Variants in AJAP1 observed in about 807,000 individuals in gnomAD.
The protein encoded by AJAP1 is adherens junctions associated protein 1.
AJAP1 carries 5 observed loss-of-function variants against 35.0 expected under a neutral mutation model. The ratio of observed to expected loss-of-function variants is 0.14; its 90% CI spans 0.07 to 0.30. The LOEUF (loss-of-function observed/expected upper bound fraction) is 0.30. AJAP1 is among the 10% of genes least tolerant of loss of function. The pLI is 1.00. For synonymous variants in AJAP1, 284 were observed against 249.3 expected, an observed-to-expected ratio of 1.14 and a Z score of -1.31; for missense variants, 586 against 571.0, an observed-to-expected ratio of 1.03 and a Z score of -0.27.
intron 1 of AJAP1, among the ~76,000 whole-genome samples, chr1:4,678,644 C>T (rs1639411222): frequency 6.6e-6 from 1 of 152,170 alleles, no homozygotes; most frequent in South Asian, 2.1e-4. Context: ...ATCTCATGTA[C>T]CGTTATCACA....
At chr1:4,674,905 G>A (rs1425519740) in intron 1 of AJAP1, among the ~76,000 whole-genome samples, 1 of 152,206 alleles carries the variant, frequency 6.6e-6, no homozygotes, top group Admixed American at 6.5e-5. Flanking sequence ...GACATTCAGC[G>A]TTTTCAAACA....
At chr1:4,767,889 C>T (rs1280029800) in intron 2 of AJAP1, among the ~76,000 whole-genome samples, 4 of 152,210 alleles carry the variant, frequency 2.6e-5, no homozygotes, top group African/African-American at 9.6e-5. Flanking sequence ...ACCCACCCTC[C>T]ACAGCTGTCC....
chr1:4,681,395 G>A (rs574086175), intron 1 of AJAP1, among the ~76,000 whole-genome samples: 6 of 152,308 alleles, frequency 3.9e-5, no homozygotes, highest in Non-Finnish European at 5.9e-5. Context: ...AGTGAGGCAG[G>A]GGCTGCCAGC....
chr1:4,776,261 GC>G (rs946351865), intron 5 of AJAP1, among the ~76,000 whole-genome samples: 5 of 152,178 alleles, frequency 3.3e-5, no homozygotes, highest in African/African-American at 1.2e-4. Flanking sequence ...AAATGACTTG[GC>G]CGAGGTCAGC....
rs115917102 is a variant in AJAP1 at position 4,747,633 on chromosome 1, G to A, written c.830-22220G>A. On this transcript the variant is annotated intron_variant, in intron 2 of 5. Coordinates refer to ENST00000378191, the MANE Select transcript of AJAP1 (RefSeq NM_018836.4). ...TGCGTGCCATCCACACATATGCATGGAAGGAGTGGATAGATCACAGTTAGG... is the reference window on the plus strand; with the variant it reads ...TGCGTGCCATCCACACATATGCATGAAAGGAGTGGATAGATCACAGTTAGG... Among the ~76,000 whole-genome samples the A allele has an allele frequency of 4.5e-3, 678 of 152,288 alleles. 3 individuals carry two copies. Among genetic ancestry groups the A allele is most frequent in the African/African-American group, 0.015 (644 of 41,552 alleles).
At chr1:4,741,230 C>T (rs964861763) in intron 2 of AJAP1, among the ~76,000 whole-genome samples, 1 of 152,136 alleles carries the variant, frequency 6.6e-6, no homozygotes, top group Non-Finnish European at 1.5e-5. Context: ...CTGGAGCTGC[C>T]GCAAGGAAGG....
chr1:4,684,774 C>T (rs1639568588), intron 1 of AJAP1, among the ~76,000 whole-genome samples: 1 of 152,180 alleles, frequency 6.6e-6, no homozygotes, highest in Admixed American at 6.5e-5. Context: ...AAGCCCCCAT[C>T]TCCATGCAAT....
At chr1:4,769,367 C>T (rs1038588333) in intron 2 of AJAP1, among the ~76,000 whole-genome samples, 22 of 152,180 alleles carry the variant, frequency 1.4e-4, no homozygotes, top group Non-Finnish European at 3.2e-4. Flanking sequence ...ATCCTGGCTC[C>T]CCCTGGGTCA....
At chr1:4,671,714 T>TG (rs1030344316) in intron 1 of AJAP1, among the ~76,000 whole-genome samples, 75 of 152,234 alleles carry the variant, frequency 4.9e-4, no homozygotes, top group African/African-American at 1.6e-3. Context: ...TTGTTAGCCC[T>TG]GCTTTTAATC....
At chr1:4,708,936 T>C (rs1640161581) in intron 1 of AJAP1, among the ~76,000 whole-genome samples, 1 of 152,186 alleles carries the variant, frequency 6.6e-6, no homozygotes, top group Non-Finnish European at 1.5e-5. Flanking sequence ...GAAACCAGAC[T>C]TGAAGAGGAA....
chr1:4,675,194 A>G (rs764773116), intron 1 of AJAP1, among the ~76,000 whole-genome samples: 46 of 152,232 alleles, frequency 3.0e-4, no homozygotes, highest in Non-Finnish European at 2.6e-4. Flanking sequence ...CACCAACTGC[A>G]GTGTTTAGGG....
At chr1:4,712,726 G>C in intron 2 of AJAP1, 27 bp downstream of exon 2, 1 of 1,499,480 alleles carries the variant, frequency 6.7e-7, no homozygotes, top group Non-Finnish European at 8.9e-7. Flanking sequence ...TCTGGTTTGG[G>C]TTTGCTTGGG....
In AJAP1 at chr1:4,712,139, A is replaced by C. The variant is rs377528360; in HGVS notation, c.269A>C (p.His90Pro). ...CGGCCGCCCCGAGTGGAGCGGATCC[A>C]CGGGCAGATGCAGATGCCTCGAGCC... Reference protein sequence around the residue: ...SPRPPRVERIHGQMQMPRARR... With the variant: ...SPRPPRVERIPGQMQMPRARR... The change falls in exon 2 of 6, where the codon CAC becomes CCC. Residue 90 changes from histidine to proline, a missense_variant. Coordinates refer to ENST00000378191, the MANE Select transcript of AJAP1 (RefSeq NM_018836.4). The C allele has an allele frequency of 1.3e-6, 2 of 1,558,620 alleles. No homozygotes were observed. The highest frequency in any genetic ancestry group is 2.4e-5 in the South Asian group (2 of 84,558).
At chr1:4,773,691 A>G (rs889628029) in intron 4 of AJAP1, among the ~76,000 whole-genome samples, 4 of 152,230 alleles carry the variant, frequency 2.6e-5, no homozygotes, top group African/African-American at 9.6e-5. Flanking sequence ...ATAACCGGCT[A>G]ACAGATTTCC....
chr1:4,685,986 C>T (rs1265952620), intron 1 of AJAP1, among the ~76,000 whole-genome samples: 1 of 152,230 alleles, frequency 6.6e-6, no homozygotes, highest in Non-Finnish European at 1.5e-5. Flanking sequence ...GGACCCCTTC[C>T]TTTAGTGATC....
intron 2 of AJAP1, among the ~76,000 whole-genome samples, chr1:4,726,210 G>C (rs370584869): frequency 8.2e-3 from 981 of 119,976 alleles, no homozygotes; most frequent in African/African-American, 0.028. Context: ...CTGAATCCTA[G>C]AGAGAGCTGG....
chr1:4,719,269 C>T (rs755557533), intron 2 of AJAP1, among the ~76,000 whole-genome samples: 8 of 152,186 alleles, frequency 5.3e-5, no homozygotes, highest in Non-Finnish European at 7.3e-5. Flanking sequence ...TGCCACACCT[C>T]GGGGTAGGAG....
At chr1:4,697,917 C>T (rs982150288) in intron 1 of AJAP1, among the ~76,000 whole-genome samples, 10 of 152,326 alleles carry the variant, frequency 6.6e-5, no homozygotes, top group South Asian at 2.1e-4. Context: ...CCAAGGGGAC[C>T]GCTAAGTCCG....
intron 2 of AJAP1, among the ~76,000 whole-genome samples, chr1:4,731,811 C>T (rs1463363114): frequency 6.6e-6 from 1 of 152,334 alleles, no homozygotes; most frequent in East Asian, 1.9e-4. Context: ...AAACTCAGCT[C>T]CTGAAAGAAT....
Sources: gnomAD v4.1 joint callset for allele counts (sites outside exome capture counted in the v4.1 genomes callset) on GRCh38, gnomAD v4.1.1 for gene constraint, MANE v1.5 for transcripts, NCBI Gene and HGNC (gene_info 2026-07-23, HGNC 2026-07-21) for gene names.